MME: variants seen among roughly 807,000 people sequenced by gnomAD.
MME encodes neprilysin.
MME carries 98 observed loss-of-function variants against 113.2 expected under a neutral mutation model. The ratio of observed to expected loss-of-function variants is 0.87; its 90% CI spans 0.74 to 1.02. MME has a LOEUF of 1.02. MME is among the 50% of genes least tolerant of loss of function. The pLI, the probability that MME is intolerant of heterozygous loss-of-function variation, is 0.00. For synonymous variants in MME, 292 were observed against 300.6 expected (o/e 0.97, Z 0.30); for missense variants, 836 against 896.0 (o/e 0.93, Z 0.86).
At chr3:155,068,489 T>G (rs1307083272) in intron 1 of MME, among the ~76,000 whole-genome samples, 1 of 152,208 alleles carries the variant, frequency 6.6e-6, no homozygotes, top group Non-Finnish European at 1.5e-5. Flanking sequence ...CCAAAATAAT[T>G]CCTCCCAAAA....
intron 17 of MME, among the ~76,000 whole-genome samples, chr3:155,162,760 C>A (rs1385222708): frequency 2.0e-5 from 3 of 151,838 alleles, no homozygotes; most frequent in African/African-American, 7.3e-5. Context: ...TGTCTGTAAT[C>A]TCAGCACTTT....
chr3:155,039,446 T>A (rs1713233761), intron 1 of MME, among the ~76,000 whole-genome samples: 1 of 152,158 alleles, frequency 6.6e-6, no homozygotes, highest in South Asian at 2.1e-4. Flanking sequence ...GGGTTAAAAA[T>A]TGCAAATTTA....
intron 1 of MME, among the ~76,000 whole-genome samples, chr3:155,026,240 C>T (rs1408719032): frequency 1.3e-5 from 2 of 152,002 alleles, no homozygotes; most frequent in Non-Finnish European, 2.9e-5. Flanking sequence ...AGCTCAGTGT[C>T]CATTTATCTA....
chr3:155,148,719 A>G, intron 16 of MME, 66 bp downstream of exon 16: 1 of 1,210,628 alleles, frequency 8.3e-7, no homozygotes, highest in Non-Finnish European at 1.2e-6. Context: ...TCTTTGTTGG[A>G]TTAAGTGAAA....
intron 16 of MME, among the ~76,000 whole-genome samples, chr3:155,152,454 G>A (rs1722002299): frequency 6.6e-6 from 1 of 152,158 alleles, no homozygotes; most frequent in Non-Finnish European, 1.5e-5. Flanking sequence ...TGAACAGAAT[G>A]TAGCTCTTTA....
intron 1 of MME, among the ~76,000 whole-genome samples, chr3:155,052,666 C>A (rs749467724): frequency 6.6e-6 from 1 of 152,202 alleles, no homozygotes; most frequent in Non-Finnish European, 1.5e-5. Flanking sequence ...CCATTTTTTC[C>A]TCCTAGGCCT....
intron 17 of MME, among the ~76,000 whole-genome samples, chr3:155,164,448 G>A (rs1229333868): frequency 6.6e-6 from 1 of 152,146 alleles, no homozygotes; most frequent in East Asian, 1.9e-4. Context: ...TAAGGCTAGT[G>A]GGGAAAATCC....
chr3:155,047,354 CTA>C (rs1187286184), intron 1 of MME, among the ~76,000 whole-genome samples: 1 of 152,168 alleles, frequency 6.6e-6, no homozygotes, highest in African/African-American at 2.4e-5. Flanking sequence ...GAGCAACAGG[CTA>C]TCCTATATGG....
intron 1 of MME, among the ~76,000 whole-genome samples, chr3:155,041,825 T>A (rs911425129): frequency 3.3e-5 from 5 of 152,164 alleles, no homozygotes; most frequent in Admixed American, 1.3e-4. Flanking sequence ...ATGTACCATA[T>A]CTTAAATATC....
intron 20 of MME, among the ~76,000 whole-genome samples, chr3:155,171,477 A>AT (rs774508122): frequency 1.3e-5 from 2 of 152,098 alleles, no homozygotes; most frequent in Admixed American, 6.5e-5. Context: ...AGGAAAACTC[A>AT]TTTTTTTCAG....
At chr3:155,155,886 A>G (rs756811696) in intron 16 of MME, among the ~76,000 whole-genome samples, 1 of 152,188 alleles carries the variant, frequency 6.6e-6, no homozygotes, top group Non-Finnish European at 1.5e-5. Context: ...AAGACTAAAA[A>G]GATTGTGCCT....
chr3:155,162,928 G>A (rs1046762405), intron 17 of MME, among the ~76,000 whole-genome samples: 9 of 148,788 alleles, frequency 6.0e-5, no homozygotes, highest in African/African-American at 2.0e-4. Context: ...CACGAGAATC[G>A]CTTGAACCCA....
rs528665759 is a variant in MME at position 155,109,065 on chromosome 3, G to A, written c.197-5929G>A. ...GCTGTGCCTCAAGTTTCTTCTGAGA[G>A]GCCTATGAGCCTCATGAGATATCAA... On this transcript the variant is annotated intron_variant, in intron 3 of 22. Coordinates refer to ENST00000360490, the MANE Select transcript of MME (RefSeq NM_007289.4). Among the ~76,000 whole-genome samples the A allele has an allele frequency of 1.7e-4, 26 of 152,258 alleles. 1 individual carries two copies. In the South Asian group the frequency reaches 5.4e-3, roughly 32 times the overall value.
At chr3:155,036,536 C>G (rs1453799790) in intron 1 of MME, among the ~76,000 whole-genome samples, 1 of 152,004 alleles carries the variant, frequency 6.6e-6, no homozygotes, top group Non-Finnish European at 1.5e-5. Context: ...GTATGTAATT[C>G]TTTGGGTTGA....
chr3:155,048,001 A>G (rs73874478), intron 1 of MME, among the ~76,000 whole-genome samples: 15,043 of 152,088 alleles, frequency 0.099, 1,251 homozygotes, highest in African/African-American at 0.23. Flanking sequence ...TTTATCCATT[A>G]TTTAGGTCTT....
intron 16 of MME, among the ~76,000 whole-genome samples, chr3:155,150,868 C>G (rs924464064): frequency 2.0e-5 from 3 of 152,150 alleles, no homozygotes; most frequent in African/African-American, 7.2e-5. Flanking sequence ...AACCCTCTGA[C>G]AGTAATTGCA....
chr3:155,133,469 A>G (rs1405177911), intron 8 of MME, among the ~76,000 whole-genome samples: 1 of 151,680 alleles, frequency 6.6e-6, no homozygotes, highest in Non-Finnish European at 1.5e-5. Context: ...CTTGCCTTAT[A>G]TCAAAGTTCT....
At chr3:155,055,656 A>G (rs1039770449) in intron 1 of MME, among the ~76,000 whole-genome samples, 38 of 152,154 alleles carry the variant, frequency 2.5e-4, no homozygotes, top group African/African-American at 8.4e-4. Context: ...AACCAGGCAG[A>G]ACTAATCTGT....
intron 1 of MME, among the ~76,000 whole-genome samples, chr3:155,052,154 T>C (rs1255028262): frequency 6.6e-6 from 1 of 152,242 alleles, no homozygotes; most frequent in African/African-American, 2.4e-5. Flanking sequence ...GTTTCACCTG[T>C]GGCTTTCCAG....
Sources: gnomAD v4.1 joint callset for allele counts (sites outside exome capture counted in the v4.1 genomes callset) on GRCh38, gnomAD v4.1.1 for gene constraint, MANE v1.5 for transcripts, NCBI Gene and HGNC (gene_info 2026-07-23, HGNC 2026-07-21) for gene names.